SYN3: variants seen among roughly 807,000 people sequenced by gnomAD.
SYN3 encodes the protein synapsin III, also known as synapsin-3.
Under a neutral mutation model 65.8 loss-of-function variants are expected in SYN3, and 35 were observed. That is an observed-to-expected ratio of 0.53 (90% confidence interval 0.41 to 0.70). The LOEUF (loss-of-function observed/expected upper bound fraction) is 0.70. Among genes scored for constraint, SYN3 ranks in the 30% least tolerant of loss-of-function variants. The pLI, the probability that SYN3 is intolerant of heterozygous loss-of-function variation, is 0.00. For synonymous variants in SYN3, 270 were observed against 292.9 expected (o/e 0.92, Z 0.80); for missense variants, 680 against 749.0 (o/e 0.91, Z 1.08).
intron 7 of SYN3, among the ~76,000 whole-genome samples, chr22:32,564,479 C>T (rs1023466222): frequency 6.6e-6 from 1 of 152,210 alleles, no homozygotes; most frequent in Non-Finnish European, 1.5e-5. Context: ...CCCAAGGTCA[C>T]ACGGCTAGTA....
At chr22:32,899,354 T>C (rs1352093009) in intron 4 of SYN3, among the ~76,000 whole-genome samples, 1 of 152,208 alleles carries the variant, frequency 6.6e-6, no homozygotes, top group Non-Finnish European at 1.5e-5. Context: ...TTAGCTTATA[T>C]TATCTACAGT....
chr22:32,598,510 G>C (rs1188520114), intron 6 of SYN3, among the ~76,000 whole-genome samples: 1 of 152,002 alleles, frequency 6.6e-6, no homozygotes, highest in Non-Finnish European at 1.5e-5. Context: ...TTTTGAGACA[G>C]AGTCTCACTC....
intron 3 of SYN3, among the ~76,000 whole-genome samples, chr22:32,948,887 A>AAG (rs899119109): frequency 2.7e-5 from 4 of 149,884 alleles, no homozygotes; most frequent in African/African-American, 1.0e-4. Flanking sequence ...AAAAAAAAAA[A>AAG]AAAGAAAGAA....
intron 4 of SYN3, 62 bp downstream of exon 4, chr22:32,931,328 G>T: frequency 9.1e-7 from 1 of 1,097,066 alleles, no homozygotes; most frequent in East Asian, 2.4e-5. Context: ...CGGAGGGGTG[G>T]GCTACATGAG....
intron 7 of SYN3, among the ~76,000 whole-genome samples, chr22:32,586,038 G>GTA (rs1555902107): frequency 1.4e-4 from 14 of 103,192 alleles, no homozygotes; most frequent in African/African-American, 7.8e-4. Context: ...ATGTATATAT[G>GTA]TATATGTATA....
rs1292120570 is a variant in SYN3 at position 32,739,879 on chromosome 22, G to A, written c.711+125036C>T. Among the ~76,000 whole-genome samples the A allele has an allele frequency of 2.6e-5, 4 of 152,298 alleles. No individual in the cohort carries two copies. The East Asian group carries it at 7.7e-4, about 29-fold the overall frequency. On this transcript the variant is annotated intron_variant, in intron 6 of 13. Coordinates refer to ENST00000358763, the MANE Select transcript of SYN3 (RefSeq NM_003490.4). ...TGCCAGTGCTCTTTTCATGCTATGA[G>A]CCACGTCAAGCCCAGAACAAGTGAA...
intron 3 of SYN3, among the ~76,000 whole-genome samples, chr22:32,952,246 A>G (rs2146831962): frequency 1.3e-5 from 2 of 151,138 alleles, no homozygotes; most frequent in South Asian, 4.2e-4. Flanking sequence ...GTGTGTGAAT[A>G]TTGAATGAGT....
At position 32,748,216 on chromosome 22, in the gene SYN3, G is replaced by T. The variant is rs2044996296; in HGVS notation, c.711+116699C>A. 2.0e-5 allele frequency among the ~76,000 whole-genome samples: 3 copies of T among 152,204 alleles called. No homozygotes were observed. The South Asian group carries it at 6.2e-4, about 31-fold the overall frequency. On this transcript the variant is annotated intron_variant, in intron 6 of 13. Transcript: ENST00000358763. ...AATGAACTAGAACAACCTACCTGAGGTATCTTAATGCAGTGGCCAACAGAT... is the reference window on the plus strand; with the variant it reads ...AATGAACTAGAACAACCTACCTGAGTTATCTTAATGCAGTGGCCAACAGAT...
chr22:32,982,200 TTTA>T (rs1205045741), intron 2 of SYN3, among the ~76,000 whole-genome samples: 4 of 152,336 alleles, frequency 2.6e-5, no homozygotes, highest in African/African-American at 9.6e-5. Context: ...GCAGTATTGT[TTTA>T]TTGAGTTATA....
Position 32,891,209 on chromosome 22 carries a change from C to T in SYN3, c.462-22084G>A, listed in dbSNP as rs565005129. On this transcript the variant is annotated intron_variant, in intron 4 of 13. Coordinates refer to ENST00000358763, the MANE Select transcript of SYN3 (RefSeq NM_003490.4). ...ATGGCAGAGGGCTCTTGAATTGACA[C>T]GTTGGCCATCTGGGGGGGTCAATTT... Among the ~76,000 whole-genome samples the T allele has an allele frequency of 2.6e-5, 4 of 152,268 alleles. No individual in the cohort carries two copies. The East Asian group carries it at 7.7e-4, about 29-fold the overall frequency.
intron 7 of SYN3, among the ~76,000 whole-genome samples, chr22:32,556,803 G>GTTT (rs1491135400): frequency 0.029 from 1,025 of 35,188 alleles, 235 homozygotes; most frequent in East Asian, 0.052. Flanking sequence ...TAGGTTTCCT[G>GTTT]GTTTTTTTTT....
chr22:32,829,208 T>C (rs1225795296), intron 6 of SYN3, among the ~76,000 whole-genome samples: 1 of 152,158 alleles, frequency 6.6e-6, no homozygotes, highest in African/African-American at 2.4e-5. Context: ...CAGAGACCCA[T>C]GAGGTGCGTT....
chr22:33,001,190 T>A (rs1439313305), intron 2 of SYN3, among the ~76,000 whole-genome samples: 1 of 152,180 alleles, frequency 6.6e-6, no homozygotes, highest in Non-Finnish European at 1.5e-5. Context: ...ACAAAGACTG[T>A]TGAGTCCCAA....
chr22:32,763,942 C>G (rs1208950859), intron 6 of SYN3, among the ~76,000 whole-genome samples: 3 of 147,504 alleles, frequency 2.0e-5, no homozygotes, highest in Non-Finnish European at 1.5e-5. Context: ...AGCCCCCCCC[C>G]CCTTTTTTTT....
intron 6 of SYN3, among the ~76,000 whole-genome samples, chr22:32,795,025 G>A (rs1166295663): frequency 6.6e-6 from 1 of 152,116 alleles, no homozygotes; most frequent in Admixed American, 6.5e-5. Context: ...TAACTGCAGG[G>A]GCAGCCATCT....
intron 6 of SYN3, among the ~76,000 whole-genome samples, chr22:32,640,382 G>A (rs1462620819): frequency 6.6e-6 from 1 of 152,168 alleles, no homozygotes; most frequent in Admixed American, 6.5e-5. Flanking sequence ...ATGAATTAAT[G>A]AGACATTATT....
At chr22:32,658,259 G>A (rs1011535543) in intron 6 of SYN3, among the ~76,000 whole-genome samples, 1 of 152,218 alleles carries the variant, frequency 6.6e-6, no homozygotes, top group African/African-American at 2.4e-5. Context: ...GGTCGGTGAC[G>A]AGCAGGTGGG....
At chr22:33,034,755 CA>C (rs2053822162) in intron 1 of SYN3, among the ~76,000 whole-genome samples, 1 of 152,156 alleles carries the variant, frequency 6.6e-6, no homozygotes, top group Admixed American at 6.6e-5. Context: ...AACCGAAGCT[CA>C]GGGGGCTTCA....
At chr22:32,853,681 G>C (rs2048285741) in intron 6 of SYN3, among the ~76,000 whole-genome samples, 3 of 152,218 alleles carry the variant, frequency 2.0e-5, no homozygotes, top group African/African-American at 7.2e-5. Flanking sequence ...GTTAAGAGCT[G>C]AGGAAGGGAC....
Sources: gnomAD v4.1 joint callset for allele counts (sites outside exome capture counted in the v4.1 genomes callset) on GRCh38, gnomAD v4.1.1 for gene constraint, MANE v1.5 for transcripts, NCBI Gene and HGNC (gene_info 2026-07-23, HGNC 2026-07-21) for gene names.